Variants in RCAN1 observed in about 807,000 individuals in gnomAD.
The protein encoded by RCAN1 is calcipressin-1.
Under a neutral mutation model 22.9 loss-of-function variants are expected in RCAN1, and 11 were observed. The ratio of observed to expected loss-of-function variants is 0.48; its 90% CI spans 0.30 to 0.79. The LOEUF is 0.79. Among genes scored for constraint, RCAN1 ranks in the 30% least tolerant of loss-of-function variants. The probability of loss-of-function intolerance (pLI) is 0.06; values close to 1 mark genes in which losing one functional copy is unlikely to be tolerated. For missense variants in RCAN1, 291 were observed against 337.8 expected (o/e 0.86, Z 1.09); for synonymous variants, 136 against 142.3 (o/e 0.96, Z 0.32).
chr21:34,520,916 T>C (rs1275934985), intron 3 of RCAN1: 10 of 255,670 alleles, frequency 3.9e-5, no homozygotes, highest in Admixed American at 3.8e-4. Context: ...GCTCACACTT[T>C]TGTCCCTCCA....
intron 1 of RCAN1, among the ~76,000 whole-genome samples, chr21:34,610,484 T>C (rs1988655621): frequency 6.6e-6 from 1 of 152,164 alleles, no homozygotes; most frequent in Admixed American, 6.5e-5. Context: ...ACCAAGGGCC[T>C]GGCTCCCGGT....
chr21:34,573,172 T>C (rs1485858722), intron 1 of RCAN1, among the ~76,000 whole-genome samples: 1 of 152,196 alleles, frequency 6.6e-6, no homozygotes, highest in East Asian at 1.9e-4. Context: ...AAAACTGACT[T>C]GATGTAAATG....
intron 1 of RCAN1, among the ~76,000 whole-genome samples, chr21:34,607,243 C>T (rs1988555168): frequency 6.6e-6 from 1 of 152,164 alleles, no homozygotes; most frequent in Non-Finnish European, 1.5e-5. Flanking sequence ...ATAGTCCTCT[C>T]AATGAAGTGT....
chr21:34,583,913 C>T (rs1302415155), intron 1 of RCAN1, among the ~76,000 whole-genome samples: 1 of 152,158 alleles, frequency 6.6e-6, no homozygotes, highest in East Asian at 1.9e-4. Context: ...CATACACACA[C>T]ACACAATTTA....
intron 3 of RCAN1, among the ~76,000 whole-genome samples, chr21:34,520,883 G>A (rs1218226677): frequency 6.6e-6 from 1 of 152,194 alleles, no homozygotes; most frequent in Non-Finnish European, 1.5e-5. Flanking sequence ...AAGAGCCTGA[G>A]GAACCTACCC....
At chr21:34,593,697 G>A (rs1343954005) in intron 1 of RCAN1, among the ~76,000 whole-genome samples, 2 of 152,212 alleles carry the variant, frequency 1.3e-5, no homozygotes, top group African/African-American at 4.8e-5. Flanking sequence ...TCGGGCTGAG[G>A]CTGTGGCTGC....
At chr21:34,555,702 C>T (rs1201590978) in intron 1 of RCAN1, among the ~76,000 whole-genome samples, 1 of 151,820 alleles carries the variant, frequency 6.6e-6, no homozygotes, top group African/African-American at 2.4e-5. Context: ...ATAGGGAGTT[C>T]ATTAGAATAT....
intron 1 of RCAN1, among the ~76,000 whole-genome samples, chr21:34,563,754 CA>C (rs58299654): frequency 0.13 from 5,654 of 43,746 alleles, 379 homozygotes; most frequent in South Asian, 0.15. Context: ...CTAAAAATAC[CA>C]AAAAAAAAAA....
chr21:34,526,585 C>G (rs183276716), intron 1 of RCAN1: 16 of 1,409,452 alleles, frequency 1.1e-5, no homozygotes, highest in Middle Eastern at 2.3e-4. Flanking sequence ...CCACATTCTC[C>G]CAAGTATTCA....
At chr21:34,585,760 A>C (rs184498343) in intron 1 of RCAN1, among the ~76,000 whole-genome samples, 1,996 of 150,724 alleles carry the variant, frequency 0.013, 49 homozygotes, top group East Asian at 0.088. Flanking sequence ...AAAAAAAAAA[A>C]AAAACATAAT....
intron 2 of RCAN1, 58 bp from the exon 3 acceptor site, chr21:34,521,716 A>C: frequency 7.0e-7 from 1 of 1,426,602 alleles, no homozygotes; most frequent in Non-Finnish European, 9.6e-7. Flanking sequence ...GCAGTGAGGC[A>C]ACAGCACCTA....
chr21:34,580,023 C>T (rs944643854), intron 1 of RCAN1, among the ~76,000 whole-genome samples: 1 of 152,234 alleles, frequency 6.6e-6, no homozygotes, highest in Non-Finnish European at 1.5e-5. Context: ...CACTAACACC[C>T]GGTGTCAGAG....
At chr21:34,605,084 T>C (rs1988481025) in intron 1 of RCAN1, among the ~76,000 whole-genome samples, 1 of 152,230 alleles carries the variant, frequency 6.6e-6, no homozygotes, top group Admixed American at 6.5e-5. Flanking sequence ...TGTTCCTGAA[T>C]GTGTCTGTGA....
In RCAN1 at chr21:34,614,218, C is replaced by T; in HGVS notation, c.252+542G>A. 1 of 992,342 alleles carries T rather than the reference C, an allele frequency of 1.0e-6. No homozygotes were observed. Among genetic ancestry groups the T allele is most frequent in the Non-Finnish European group, 1.2e-6 (1 of 831,712 alleles). The allele number at this position is 992,342 out of a possible 1,614,324, so 61.5% of individuals were successfully genotyped here. ...GGTCTGAAAGATGGTCCCCTTCCCC[C>T]CAACACAATTCCACCAAAACTGGCC... is the stretch of plus-strand genomic sequence containing the variant. On this transcript the variant is annotated intron_variant, in intron 1 of 3. Coordinates refer to ENST00000313806, the MANE Select transcript of RCAN1 (RefSeq NM_004414.7). This position sits in a 1 kb window ranked among gnomAD's most constrained non-coding sequence, Gnocchi z 6.0.
chr21:34,556,429 A>AAATAATAATAAT (rs56236946), intron 1 of RCAN1, among the ~76,000 whole-genome samples: 18,390 of 145,372 alleles, frequency 0.13, 1,221 homozygotes, highest in Middle Eastern at 0.18. Flanking sequence ...TTGTCTCAAA[A>AAATAATAATAAT]AATAATAATA....
At position 34,517,734 on chromosome 21, in the gene RCAN1, T is replaced by C. The variant is rs1984146228; in HGVS notation, c.*350A>G. The C allele has an allele frequency of 4.3e-6, 1 of 230,302 alleles. No individual in the cohort carries two copies. The highest frequency in any genetic ancestry group is 8.5e-6 in the Non-Finnish European group (1 of 117,804). The allele number at this position is 230,302 out of a possible 1,614,324, so 14.3% of individuals were successfully genotyped here. On this transcript the variant is annotated 3_prime_UTR_variant, in exon 4 of 4. Transcript: ENST00000313806. ...GGCCACTTAGAAACAGGAAGCTCTCTCCTGAGCTCACTGATCAACCTGCCC... is the reference window on the plus strand; with the variant it reads ...GGCCACTTAGAAACAGGAAGCTCTCCCCTGAGCTCACTGATCAACCTGCCC...
At chr21:34,576,632 A>G (rs995485474) in intron 1 of RCAN1, among the ~76,000 whole-genome samples, 1 of 152,252 alleles carries the variant, frequency 6.6e-6, no homozygotes, top group African/African-American at 2.4e-5. Context: ...GTTGAAAACA[A>G]TGTACTAGCA....
rs545168457 is a variant in RCAN1, at chr21:34,614,813, C to T, written c.199G>A (p.Ala67Thr). Reference protein sequence around the residue: ...EEVDLQDLPSATIACHLDPRV... With the variant: ...EEVDLQDLPSTTIACHLDPRV... ...GGGTCCAGGTGACAGGCGATGGTGG[C>T]GCTGGGCAGGTCCTGCAGGTCCACC... The change falls in exon 1 of 4, where the codon GCC becomes ACC. Residue 67 changes from alanine (A) to threonine (T), a missense_variant. Coordinates refer to ENST00000313806, the MANE Select transcript of RCAN1 (RefSeq NM_004414.7). This position sits in a 1 kb window ranked among gnomAD's most constrained non-coding sequence, Gnocchi z 6.0. 5 of 1,490,476 alleles carry T rather than the reference C, an allele frequency of 3.4e-6. No homozygotes were observed. The highest frequency in any genetic ancestry group is 2.1e-5 in the Admixed American group (1 of 48,522). 92.3% of individuals were successfully genotyped at this position (1,490,476 alleles called of 1,614,324 possible).
chr21:34,611,024 A>G (rs1202960842), intron 1 of RCAN1, among the ~76,000 whole-genome samples: 1 of 152,226 alleles, frequency 6.6e-6, no homozygotes, highest in East Asian at 1.9e-4. Flanking sequence ...GACAACTGAA[A>G]AAAGGGTATT....
Sources: allele counts gnomAD v4.1 joint callset (sites outside exome capture counted in the v4.1 genomes callset), GRCh38; gene constraint gnomAD v4.1.1; non-coding constraint Gnocchi (gnomAD v3.1); transcripts MANE v1.5; gene names NCBI Gene and HGNC (gene_info 2026-07-23, HGNC 2026-07-21).